Variants in ASAH2 observed in about 807,000 individuals in gnomAD.
ASAH2 encodes neutral ceramidase.
A neutral mutation model predicts 82.9 loss-of-function variants in ASAH2; 58 were observed. The observed-to-expected ratio is 0.70, with a 90% CI of 0.57 to 0.87. The LOEUF is 0.87. ASAH2 is among the 40% of genes least tolerant of loss of function. ASAH2 has a pLI of 0.00. For missense variants in ASAH2, 779 were observed against 834.0 expected (o/e 0.93, Z 0.81); for synonymous variants, 276 against 289.7 (o/e 0.95, Z 0.48).
chr10:50,197,844 A>T (rs1194985537), intron 17 of ASAH2, among the ~76,000 whole-genome samples: 2 of 151,876 alleles, frequency 1.3e-5, no homozygotes, highest in Non-Finnish European at 2.9e-5. Context: ...ACAGTTAAAC[A>T]GTAGTTATCT....
chr10:50,210,008 A>G (rs1195181374), intron 12 of ASAH2, among the ~76,000 whole-genome samples: 2 of 152,200 alleles, frequency 1.3e-5, no homozygotes, highest in Non-Finnish European at 2.9e-5. Context: ...ATAGAGTTAT[A>G]TAATCCAGCA....
At chr10:50,244,068 A>G (rs1013002875) in intron 3 of ASAH2, among the ~76,000 whole-genome samples, 1 of 152,216 alleles carries the variant, frequency 6.6e-6, no homozygotes, top group African/African-American at 2.4e-5. Flanking sequence ...CAGGCAGCAC[A>G]GCAGAGAAGG....
chr10:50,229,674 TG>T (rs1173779386), intron 7 of ASAH2, among the ~76,000 whole-genome samples: 12 of 152,184 alleles, frequency 7.9e-5, no homozygotes, highest in African/African-American at 2.2e-4. Context: ...TGTTGACCTC[TG>T]CACTCCAGCC....
chr10:50,198,250 T>C (rs1325468926), intron 17 of ASAH2: 3 of 150,344 alleles, frequency 2.0e-5, no homozygotes, highest in Non-Finnish European at 4.4e-5. Context: ...CATATTATTA[T>C]ATAAGGGGCT....
chr10:50,238,661 G>A (rs1218036239), intron 4 of ASAH2, among the ~76,000 whole-genome samples: 1 of 152,118 alleles, frequency 6.6e-6, no homozygotes, highest in Non-Finnish European at 1.5e-5. Flanking sequence ...AGACAGGAAG[G>A]TAGTAGAGAA....
intron 12 of ASAH2, among the ~76,000 whole-genome samples, chr10:50,207,689 C>T (rs555644531): frequency 6.6e-6 from 1 of 151,178 alleles, no homozygotes; most frequent in East Asian, 1.9e-4. Context: ...TTTTTAACTA[C>T]TTACAACAAA....
At chr10:50,227,430 G>A (rs919884655) in intron 7 of ASAH2, among the ~76,000 whole-genome samples, 1 of 152,118 alleles carries the variant, frequency 6.6e-6, no homozygotes, top group Non-Finnish European at 1.5e-5. Context: ...GAGCATTCAC[G>A]TTTACAGAAT....
chr10:50,207,800 T>G (rs1845343426), intron 12 of ASAH2, among the ~76,000 whole-genome samples: 1 of 151,900 alleles, frequency 6.6e-6, no homozygotes, highest in Admixed American at 6.6e-5. Context: ...GAACACTTCC[T>G]GATTCATTCT....
intron 10 of ASAH2, 138 bp downstream of exon 10, chr10:50,212,834 C>T: frequency 7.0e-6 from 6 of 855,278 alleles, no homozygotes; most frequent in South Asian, 5.6e-5. Flanking sequence ...ACCTCCCAAG[C>T]TGACCTCTTC....
At chr10:50,236,492 T>C (rs1438057464) in intron 4 of ASAH2, among the ~76,000 whole-genome samples, 1 of 152,100 alleles carries the variant, frequency 6.6e-6, no homozygotes, top group Non-Finnish European at 1.5e-5. Context: ...GGGATTATGG[T>C]AACTAAAACT....
rs762786150 is a variant in ASAH2 at position 50,245,271 on chromosome 10, A to G, written c.311T>C (p.Ile104Thr). 2.5e-6 allele frequency: 4 copies of G among 1,614,140 alleles called. No individual in the cohort carries two copies. Among genetic ancestry groups the G allele is most frequent in the East Asian group, 2.2e-5 (1 of 44,884 alleles). The stretch of plus-strand genomic sequence containing the variant: ...TGTGCAGTCAGCTCGTCCAACACCA[A>G]TATGGTAGCCACTGAAGTTCTGAAA... ...PLFQNFSGYH[I>T]GVGRADCTGQ... The change falls in exon 3 of 21, where the codon ATT (isoleucine) becomes ACT (threonine). Residue 104 changes from isoleucine to threonine, a missense_variant. Physicochemically the swap from Ile to Thr is moderately conservative, Grantham distance 89. Coordinates refer to ENST00000682911, the MANE Select transcript of ASAH2 (RefSeq NM_019893.4).
chr10:50,198,258 G>T (rs1330594529), intron 17 of ASAH2: 2 of 147,998 alleles, frequency 1.4e-5, no homozygotes, highest in Non-Finnish European at 3.0e-5. Flanking sequence ...TATATAAGGG[G>T]CTGCTTATTA....
At chr10:50,219,400 G>C (rs1418234399) in intron 7 of ASAH2, among the ~76,000 whole-genome samples, 2 of 152,108 alleles carry the variant, frequency 1.3e-5, no homozygotes, top group African/African-American at 2.4e-5. Flanking sequence ...ATGGTCCACT[G>C]TTCACAGAGG....
intron 2 of ASAH2, 113 bp from the exon 3 acceptor site, chr10:50,245,567 T>C (rs1846434090): frequency 1.1e-6 from 1 of 938,478 alleles, no homozygotes; most frequent in African/African-American, 1.7e-5. Flanking sequence ...TTATATATTT[T>C]CTTATACATA....
chr10:50,203,009 G>T, intron 15 of ASAH2, 85 bp from the exon 16 acceptor site: 1 of 931,254 alleles, frequency 1.1e-6, no homozygotes, highest in Non-Finnish European at 1.8e-6. Context: ...CACAAGCATT[G>T]ATTACACTAT....
intron 8 of ASAH2, among the ~76,000 whole-genome samples, chr10:50,215,476 A>G (rs1338791206): frequency 1.3e-5 from 2 of 152,118 alleles, no homozygotes; most frequent in East Asian, 3.9e-4. Flanking sequence ...TAATTTTTGT[A>G]TAAGGTGTAA....
chr10:50,206,537 TACACACACACACAC>T (rs544968746), intron 12 of ASAH2, among the ~76,000 whole-genome samples: 22 of 130,824 alleles, frequency 1.7e-4, no homozygotes, highest in African/African-American at 6.0e-4. Flanking sequence ...TTTAGTTATC[TACACACACACACAC>T]ACACACACAC....
chr10:50,227,576 C>T (rs2133220121), intron 7 of ASAH2, among the ~76,000 whole-genome samples: 1 of 151,962 alleles, frequency 6.6e-6, no homozygotes, highest in Non-Finnish European at 1.5e-5. Flanking sequence ...TTTCTACTTT[C>T]TTTATTTTTC....
At chr10:50,213,140 C>G in intron 9 of ASAH2, 82 bp from the exon 10 acceptor site, 2 of 1,265,004 alleles carry the variant, frequency 1.6e-6, no homozygotes, top group South Asian at 2.4e-5. Context: ...TGAATCTAAG[C>G]AAATAGATTT....
Sources: allele counts gnomAD v4.1 joint callset (sites outside exome capture counted in the v4.1 genomes callset), GRCh38; gene constraint gnomAD v4.1.1; transcripts MANE v1.5; gene names NCBI Gene and HGNC (gene_info 2026-07-23, HGNC 2026-07-21).